The following PID1 variants were observed in gnomAD, a reference collection of about 807,000 sequenced individuals.
PID1 encodes phosphotyrosine interaction domain containing 1.
PID1 carries 10 observed loss-of-function variants against 19.1 expected under a neutral mutation model. The observed-to-expected ratio is 0.52, with a 90% CI of 0.32 to 0.89. PID1 has a LOEUF of 0.89. Ranked by LOEUF, PID1 falls within the 40% of genes least tolerant of loss-of-function variation. The pLI, the probability that PID1 is intolerant of heterozygous loss-of-function variation, is 0.03. For synonymous variants in PID1, 130 were observed against 116.0 expected (o/e 1.12, Z -0.78); for missense variants, 248 against 285.3 (o/e 0.87, Z 0.94).
At chr2:229,127,242 A>AC (rs1388227424) in intron 2 of PID1, among the ~76,000 whole-genome samples, 1 of 152,078 alleles carries the variant, frequency 6.6e-6, no homozygotes, top group African/African-American at 2.4e-5. Flanking sequence ...CTGGGACATA[A>AC]CCTCTCTGTT....
At chr2:229,190,678 C>T (rs756758587) in intron 1 of PID1, among the ~76,000 whole-genome samples, 6 of 152,180 alleles carry the variant, frequency 3.9e-5, no homozygotes, top group Non-Finnish European at 7.3e-5. Flanking sequence ...ATTGGGCAGA[C>T]ATTTTGCTTC....
intron 2 of PID1, among the ~76,000 whole-genome samples, chr2:229,130,113 TA>T (rs1410719925): frequency 3.9e-5 from 6 of 152,234 alleles, no homozygotes; most frequent in Non-Finnish European, 8.8e-5. Flanking sequence ...TGAACAGCGT[TA>T]AAAGCTGTTA....
chr2:229,254,855 A>G (rs1690250835), intron 1 of PID1, among the ~76,000 whole-genome samples: 1 of 152,204 alleles, frequency 6.6e-6, no homozygotes, highest in Non-Finnish European at 1.5e-5. Context: ...TAGTTTGGCC[A>G]GGACTTTTAT....
intron 2 of PID1, among the ~76,000 whole-genome samples, chr2:229,066,495 CA>C (rs1362382878): frequency 6.6e-6 from 1 of 152,010 alleles, no homozygotes; most frequent in Non-Finnish European, 1.5e-5. Flanking sequence ...TTTATATATG[CA>C]AAAACAGTCT....
At chr2:229,138,838 C>G (rs1689911505) in intron 2 of PID1, among the ~76,000 whole-genome samples, 1 of 146,662 alleles carries the variant, frequency 6.8e-6, no homozygotes. Context: ...TTTTGCTGGA[C>G]AGATGAGACA....
intron 2 of PID1, among the ~76,000 whole-genome samples, chr2:229,113,973 A>G (rs1283648910): frequency 3.9e-5 from 6 of 152,138 alleles, no homozygotes; most frequent in African/African-American, 1.4e-4. Context: ...AGTCAGTCTC[A>G]CCCAGGCAGC....
intron 1 of PID1, among the ~76,000 whole-genome samples, chr2:229,262,307 G>C (rs755878882): frequency 9.2e-5 from 14 of 152,172 alleles, no homozygotes; most frequent in Admixed American, 5.2e-4. Flanking sequence ...TGAAGCTCAT[G>C]TACCATATTT....
chr2:229,076,441 C>T (rs768910251), intron 2 of PID1, among the ~76,000 whole-genome samples: 24 of 151,756 alleles, frequency 1.6e-4, no homozygotes, highest in Non-Finnish European at 2.6e-4. Context: ...CTGTGCAGAA[C>T]GAGCAGTTTT....
chr2:229,182,321 T>C (rs1157190289), intron 1 of PID1, among the ~76,000 whole-genome samples: 3 of 152,054 alleles, frequency 2.0e-5, no homozygotes, highest in African/African-American at 7.2e-5. Flanking sequence ...AGGAAAGAGG[T>C]AGAGAGTATA....
chr2:229,174,562 C>T (rs1307153266), intron 1 of PID1, among the ~76,000 whole-genome samples: 1 of 151,834 alleles, frequency 6.6e-6, no homozygotes, highest in Admixed American at 6.6e-5. Context: ...CATTATCACC[C>T]CCCAATGGGC....
intron 2 of PID1, among the ~76,000 whole-genome samples, chr2:229,152,063 T>G (rs531988963): frequency 6.6e-6 from 1 of 152,282 alleles, no homozygotes; most frequent in African/African-American, 2.4e-5. Flanking sequence ...CTTTCTGGAC[T>G]GCCATAGCAA....
At chr2:229,079,835 G>C (rs932851941) in intron 2 of PID1, among the ~76,000 whole-genome samples, 1 of 152,184 alleles carries the variant, frequency 6.6e-6, no homozygotes, top group Non-Finnish European at 1.5e-5. Flanking sequence ...TTATACTATG[G>C]GAAAAAGAAG....
chr2:229,165,396 T>C (rs1690577221), intron 1 of PID1, among the ~76,000 whole-genome samples: 1 of 152,068 alleles, frequency 6.6e-6, no homozygotes, highest in Non-Finnish European at 1.5e-5. Context: ...GCTCAGGAGT[T>C]CAAGACCAGC....
intron 1 of PID1, among the ~76,000 whole-genome samples, chr2:229,181,117 A>T (rs1380843989): frequency 6.6e-6 from 1 of 152,162 alleles, no homozygotes; most frequent in Non-Finnish European, 1.5e-5. Context: ...ACAGGTGTGG[A>T]GGGGCAACCC....
chr2:229,095,836 G>A (rs928102299), intron 2 of PID1, among the ~76,000 whole-genome samples: 2 of 152,120 alleles, frequency 1.3e-5, no homozygotes, highest in Non-Finnish European at 2.9e-5. Context: ...CAAAGTTAGT[G>A]TCCACTCTTA....
chr2:229,197,437 T>G (rs1691401145), intron 1 of PID1, among the ~76,000 whole-genome samples: 1 of 151,928 alleles, frequency 6.6e-6, no homozygotes, highest in African/African-American at 2.4e-5. Context: ...TCTAATAAAC[T>G]CAAAAAGAGA....
intron 1 of PID1, among the ~76,000 whole-genome samples, chr2:229,165,346 AC>A (rs1690576409): frequency 1.3e-5 from 2 of 152,116 alleles, no homozygotes; most frequent in South Asian, 4.1e-4. Context: ...ATGCCTGTAA[AC>A]CCAGCACTTT....
chr2:229,168,157 T>G (rs1690640395), intron 1 of PID1, among the ~76,000 whole-genome samples: 1 of 152,226 alleles, frequency 6.6e-6, no homozygotes, highest in African/African-American at 2.4e-5. Context: ...GTTTCAGTAT[T>G]TGTCATGTTT....
chr2:229,124,235 T>C (rs1462541314), intron 2 of PID1, among the ~76,000 whole-genome samples: 1 of 152,194 alleles, frequency 6.6e-6, no homozygotes, highest in Non-Finnish European at 1.5e-5. Context: ...TTTGTTTTTG[T>C]TGGTAGCTGC....
Sources: allele counts gnomAD v4.1 joint callset (sites outside exome capture counted in the v4.1 genomes callset), GRCh38; gene constraint gnomAD v4.1.1; transcripts MANE v1.5; gene names NCBI Gene and HGNC (gene_info 2026-07-23, HGNC 2026-07-21).